Variants in FRYL observed in about 807,000 individuals in gnomAD.
FRYL encodes FRY like transcription coactivator, also known as protein furry homolog-like.
Under a neutral mutation model 351.2 loss-of-function variants are expected in FRYL, and 150 were observed. The ratio of observed to expected loss-of-function variants is 0.43; its 90% confidence interval spans 0.37 to 0.49. The LOEUF is 0.49. Ranked by LOEUF, FRYL falls within the 20% of genes least tolerant of loss-of-function variation. FRYL has a pLI of 0.00. For synonymous variants in FRYL, 1,153 were observed against 1,257.1 expected (o/e 0.92, Z 1.75); for missense variants, 3,036 against 3,619.3 (o/e 0.84, Z 4.13).
chr4:48,656,439 T>C (rs1759167549), intron 3 of FRYL, among the ~76,000 whole-genome samples: 1 of 135,744 alleles, frequency 7.4e-6, no homozygotes, highest in Non-Finnish European at 1.5e-5. Flanking sequence ...TAATCATGTG[T>C]GTATAATGTA....
Position 48,619,267 on chromosome 4 carries a change from A to T in FRYL, c.411+7T>A. The T allele has an allele frequency of 6.4e-7, 1 of 1,573,266 alleles. No individual in the cohort carries two copies. Among genetic ancestry groups the T allele is most frequent in the Non-Finnish European group, 8.7e-7 (1 of 1,144,382 alleles). ...AATACAGACTTTGCAGAAATAAAAGAGCTTACCTGCTTTAGAACTTCAACT... is the reference window on the plus strand; with the variant it reads ...AATACAGACTTTGCAGAAATAAAAGTGCTTACCTGCTTTAGAACTTCAACT... On this transcript the variant is annotated splice_region_variant and intron_variant, in intron 7 of 63. Transcript: ENST00000358350.
At position 48,567,802 on chromosome 4, in the gene FRYL, C is replaced by T. The variant is rs559433123; in HGVS notation, c.2997-382G>A. ...GACTAGTTCTATTTATTCATAGCTG[C>T]CATGTCTATTCATATTGTGCCTTCA... On this transcript the variant is annotated intron_variant, in intron 27 of 63. Transcript: ENST00000358350. The surrounding 1 kb of genome is among the most constrained non-coding windows in gnomAD (Gnocchi z 4.2). Among the ~76,000 whole-genome samples, 6 of 152,144 alleles carry T rather than the reference C, an allele frequency of 3.9e-5. No homozygotes were observed. Among genetic ancestry groups the T allele is most frequent in the Admixed American group, 6.5e-5 (1 of 15,276 alleles).
intron 11 of FRYL, among the ~76,000 whole-genome samples, chr4:48,604,646 T>C (rs1446951638): frequency 6.6e-6 from 1 of 152,148 alleles, no homozygotes; most frequent in Non-Finnish European, 1.5e-5. Flanking sequence ...TCACAGCTCT[T>C]AGAAGGAACC....
chr4:48,694,036 T>G (rs1379276514), intron 2 of FRYL, among the ~76,000 whole-genome samples: 2 of 152,086 alleles, frequency 1.3e-5, no homozygotes, highest in Non-Finnish European at 2.9e-5. Flanking sequence ...AATGAAAAAA[T>G]GATCTCACTG....
intron 3 of FRYL, among the ~76,000 whole-genome samples, chr4:48,658,855 GAA>G (rs11290262): frequency 4.0e-5 from 6 of 150,794 alleles, no homozygotes; most frequent in Admixed American, 2.0e-4. Context: ...ATATAAACAA[GAA>G]AAAAAAAACA....
chr4:48,678,856 T>G (rs1277740196), intron 3 of FRYL, among the ~76,000 whole-genome samples: 1 of 152,148 alleles, frequency 6.6e-6, no homozygotes, highest in African/African-American at 2.4e-5. Context: ...ATCATTAGAT[T>G]GACTGCTTAT....
intron 1 of FRYL, among the ~76,000 whole-genome samples, chr4:48,747,163 C>CCG (rs971531594): frequency 2.1e-3 from 3 of 1,432 alleles, no homozygotes; most frequent in African/African-American, 3.9e-3. Flanking sequence ...TTTCCCCTAT[C>CCG]CCCCCCCAAA....
At chr4:48,742,011 T>C (rs1430512054) in intron 1 of FRYL, among the ~76,000 whole-genome samples, 2 of 152,190 alleles carry the variant, frequency 1.3e-5, no homozygotes, top group African/African-American at 4.8e-5. Flanking sequence ...ATGTAAACTA[T>C]GGACTCTGGG....
At position 48,716,650 on chromosome 4, in the gene FRYL, C is replaced by A. The variant is rs868484471; in HGVS notation, c.-383-5952G>T. ...GGTGCTGGAGAGGATGTGGAGAAAT[C>A]GGAACACTTTTACACTGTTGGTGGG... On this transcript the variant is annotated intron_variant, in intron 1 of 63. Coordinates refer to ENST00000358350, the MANE Select transcript of FRYL (RefSeq NM_015030.2). Among the ~76,000 whole-genome samples, 782 of 151,482 alleles carry A rather than the reference C, an allele frequency of 5.2e-3. 20 individuals carry two copies. Among genetic ancestry groups the A allele is most frequent in the African/African-American group, 0.016 (642 of 41,364 alleles).
intron 60 of FRYL, 99 bp downstream of exon 60, chr4:48,505,448 T>G (rs1252471749): frequency 1.3e-6 from 1 of 759,824 alleles, no homozygotes. Flanking sequence ...ACAAATATTC[T>G]TTATTTTTAG....
intron 3 of FRYL, among the ~76,000 whole-genome samples, chr4:48,676,776 T>C (rs1269725880): frequency 6.6e-6 from 1 of 152,250 alleles, no homozygotes; most frequent in East Asian, 1.9e-4. Flanking sequence ...TCCTGGCCTA[T>C]GTGAAATTCA....
At position 48,628,446 on chromosome 4, in the gene FRYL, G is replaced by GTGTC. The variant is rs778412826; in HGVS notation, c.121-5268_121-5267insGACA. On this transcript the variant is annotated intron_variant, in intron 4 of 63. Transcript: ENST00000358350. ...CCTTCATTTGCGTGTGTGTGTGTGT[G>GTGTC]TGTGTGTGTGTGTGTGTTTAAAGGT... Among the ~76,000 whole-genome samples, 375 of 151,518 alleles carry GTGTC rather than the reference G, an allele frequency of 2.5e-3. 6 individuals are homozygous for GTGTC. Among genetic ancestry groups the GTGTC allele is most frequent in the Non-Finnish European group, 2.3e-3 (155 of 67,846 alleles).
At chr4:48,779,426 G>A (rs1387103509) in intron 1 of FRYL, among the ~76,000 whole-genome samples, 1 of 152,128 alleles carries the variant, frequency 6.6e-6, no homozygotes, top group Non-Finnish European at 1.5e-5. Context: ...CACAGCGCCC[G>A]CACCCCTCCC....
Position 48,527,588 on chromosome 4 carries a change from T to C in FRYL, c.7206A>G (p.Thr2402=), listed in dbSNP as rs374515416. 3.2e-5 allele frequency: 51 copies of C among 1,613,144 alleles called. No individual in the cohort carries two copies. Among genetic ancestry groups the C allele is most frequent in the Non-Finnish European group, 4.2e-5 (50 of 1,179,486 alleles). Residue 2402 remains threonine (T), a synonymous_variant, in exon 53 of 64, where the codon ACA becomes ACG. Transcript: ENST00000358350. ...GDQQTSLIST[T]EDINQEEEVA... ...CTTCTTCCTCTTGATTTATGTCTTC[T>C]GTTGTAGAAATTAGGCTAGTCTGTT...
intron 3 of FRYL, among the ~76,000 whole-genome samples, chr4:48,672,982 T>C (rs1258513846): frequency 6.6e-6 from 1 of 152,204 alleles, no homozygotes; most frequent in Non-Finnish European, 1.5e-5. Flanking sequence ...ACTGAAAAGA[T>C]CACTTACTAA....
chr4:48,558,283 T>A (rs1734591604), intron 33 of FRYL, among the ~76,000 whole-genome samples: 1 of 152,240 alleles, frequency 6.6e-6, no homozygotes, highest in South Asian at 2.1e-4. Context: ...ACAACGGGGC[T>A]GAAGCTTGAT....
At chr4:48,743,866 A>G (rs887101170) in intron 1 of FRYL, among the ~76,000 whole-genome samples, 1 of 152,172 alleles carries the variant, frequency 6.6e-6, no homozygotes, top group African/African-American at 2.4e-5. Context: ...TACCCCGCAG[A>G]TTTTTGACTT....
intron 3 of FRYL, among the ~76,000 whole-genome samples, chr4:48,644,676 AAAACAAAC>A (rs911918462): frequency 1.3e-5 from 2 of 151,930 alleles, no homozygotes; most frequent in Non-Finnish European, 2.9e-5. Context: ...CTGACTGGAT[AAAACAAAC>A]AAACAAACAA....
Position 48,522,995 on chromosome 4 carries a change from G to C in FRYL, c.7427C>G (p.Pro2476Arg). The C allele has an allele frequency of 6.2e-7, 1 of 1,613,866 alleles. No individual in the cohort carries two copies. Among genetic ancestry groups the C allele is most frequent in the Non-Finnish European group, 8.5e-7 (1 of 1,179,866 alleles). ...CTCCTGATTGGTGAGGTTCAGGCTG[G>C]GGGTGCTACTAGAGCACTGGTACTC... ...LQEYQCSSST[P>R]SLNLTNQEDT... The change falls in exon 54 of 64, where the codon CCC (proline) becomes CGC (arginine). Residue 2476 changes from proline (P) to arginine (R), a missense_variant. Pro to Arg is a moderately radical substitution (Grantham distance 103). Transcript: ENST00000358350.
Sources: allele counts gnomAD v4.1 joint callset (sites outside exome capture counted in the v4.1 genomes callset), GRCh38; gene constraint gnomAD v4.1.1; non-coding constraint Gnocchi (gnomAD v3.1); transcripts MANE v1.5; gene names NCBI Gene and HGNC (gene_info 2026-07-23, HGNC 2026-07-21).